EPB41L4B: variants seen among roughly 807,000 people sequenced by gnomAD.
EPB41L4B encodes the protein band 4.1-like protein 4B.
In EPB41L4B, 30 loss-of-function variants were observed where a neutral mutation model predicts 112.5. The observed-to-expected ratio is 0.27, with a 90% CI of 0.20 to 0.36. The LOEUF (loss-of-function observed/expected upper bound fraction) is 0.36, where lower values mean the gene tolerates loss of function less well. Among genes scored for constraint, EPB41L4B ranks in the 10% least tolerant of loss-of-function variants. The probability of loss-of-function intolerance (pLI) is 1.00; values close to 1 mark genes in which losing one functional copy is unlikely to be tolerated. For missense variants in EPB41L4B, 1,024 were observed against 1,133.3 expected (o/e 0.90, Z 1.38); for synonymous variants, 408 against 439.7 (o/e 0.93, Z 0.90).
rs771584226 is a variant in EPB41L4B at position 109,207,946 on chromosome 9, T to C, written c.1856A>G (p.Asn619Ser). 6.2e-7 allele frequency: 1 copy of C among 1,614,014 alleles called. No individual in the cohort carries two copies. Among genetic ancestry groups the C allele is most frequent in the Non-Finnish European group, 8.5e-7 (1 of 1,179,970 alleles). Residue 619 changes from asparagine (N) to serine (S), a missense_variant, in exon 18 of 26, where the codon AAT becomes AGT. Asn to Ser is a conservative substitution (Grantham distance 46, BLOSUM62 1). Coordinates refer to ENST00000374566, the MANE Select transcript of EPB41L4B (RefSeq NM_019114.5). ...KCNILKAQLENASRVNIQGGK... is the reference protein window; with the variant it reads ...KCNILKAQLESASRVNIQGGK... ...CACCTGGATGTTCACTCGGGAAGCA[T>C]TTTCCAACTGGGCTTTCAGAATGTT...
intron 2 of EPB41L4B, among the ~76,000 whole-genome samples, chr9:109,271,215 C>A (rs897836996): frequency 6.6e-6 from 1 of 152,218 alleles, no homozygotes; most frequent in Admixed American, 6.5e-5. Context: ...CAAAAGGCAC[C>A]CCTTCAGCCA....
rs993471808 is a variant in EPB41L4B, at chr9:109,207,788, T to C, written c.1878+136A>G. Reference sequence around the variant, plus strand: ...ATCATGGTTCACATATCAGGTATGGTTCACATGCCCGGTTCTCATCTCCTG... The same window carrying C: ...ATCATGGTTCACATATCAGGTATGGCTCACATGCCCGGTTCTCATCTCCTG... On this transcript the variant is annotated intron_variant, in intron 18 of 25. Transcript: ENST00000374566. The C allele has an allele frequency of 7.1e-5, 76 of 1,068,144 alleles. 2 individuals carry two copies. Among genetic ancestry groups the C allele is most frequent in the Middle Eastern group, 6.4e-4 (3 of 4,684 alleles). The allele number at this position is 1,068,144 out of a possible 1,614,324, so 66.2% of individuals were successfully genotyped here. A position where few individuals can be genotyped will look rare whatever the true frequency, so the allele number is the denominator to read the frequency against.
At chr9:109,230,723 G>A (rs1290129654) in intron 15 of EPB41L4B, among the ~76,000 whole-genome samples, 1 of 152,138 alleles carries the variant, frequency 6.6e-6, no homozygotes, top group Admixed American at 6.5e-5. Context: ...GAAGAAAATT[G>A]TATCGACATC....
At position 109,213,599 on chromosome 9, in the gene EPB41L4B, A is replaced by G. The variant is rs1231872933; in HGVS notation, c.1752+101T>C. 6.5e-6 allele frequency: 6 copies of G among 926,178 alleles called. No individual in the cohort carries two copies. The Admixed American group carries it at 7.5e-5, about 12-fold the overall frequency. The allele number at this position is 926,178 out of a possible 1,614,324, so 57.4% of individuals were successfully genotyped here. A position where few individuals can be genotyped will look rare whatever the true frequency, so the allele number is the denominator to read the frequency against. On this transcript the variant is annotated intron_variant, in intron 17 of 25. Transcript: ENST00000374566. ...GGAAAGATGGAATAGAGATCCCTCC[A>G]AGGCAAAGGCACTTGGTTTAGCAGG... is the stretch of plus-strand genomic sequence containing the variant.
At chr9:109,250,671 C>T (rs1401041097) in intron 13 of EPB41L4B, among the ~76,000 whole-genome samples, 2 of 152,178 alleles carry the variant, frequency 1.3e-5, no homozygotes, top group Non-Finnish European at 2.9e-5. Flanking sequence ...GGGTCCCACC[C>T]TGAGAGACTG....
chr9:109,281,303 T>C (rs944386162), intron 1 of EPB41L4B, among the ~76,000 whole-genome samples: 1 of 152,094 alleles, frequency 6.6e-6, no homozygotes, highest in African/African-American at 2.4e-5. Flanking sequence ...CCCCCAAACA[T>C]ACAAATGGTC....
At chr9:109,269,003 A>G (rs550296110) in intron 2 of EPB41L4B, among the ~76,000 whole-genome samples, 51 of 152,266 alleles carry the variant, frequency 3.3e-4, no homozygotes, top group African/African-American at 1.2e-3. Context: ...CTGAAAGAAC[A>G]TAAAACCCCT....
intron 17 of EPB41L4B, among the ~76,000 whole-genome samples, chr9:109,210,631 C>T (rs990378413): frequency 6.6e-6 from 1 of 152,128 alleles, no homozygotes; most frequent in East Asian, 1.9e-4. Context: ...AATGCAAGAC[C>T]TGTAATATTC....
At chr9:109,212,303 C>CA (rs1833209901) in intron 17 of EPB41L4B, among the ~76,000 whole-genome samples, 1 of 152,076 alleles carries the variant, frequency 6.6e-6, no homozygotes. Flanking sequence ...AGTTGAAAAC[C>CA]AGGCGACTAA....
At chr9:109,230,532 A>G (rs1156308535) in intron 15 of EPB41L4B, among the ~76,000 whole-genome samples, 1 of 152,206 alleles carries the variant, frequency 6.6e-6, no homozygotes, top group African/African-American at 2.4e-5. Context: ...AGATGAGAGA[A>G]AGTACAATTT....
At chr9:109,248,789 G>A (rs1176092229) in intron 13 of EPB41L4B, among the ~76,000 whole-genome samples, 1 of 152,022 alleles carries the variant, frequency 6.6e-6, no homozygotes, top group Non-Finnish European at 1.5e-5. Flanking sequence ...GCCGGGCGTG[G>A]TAGCTCACAC....
intron 3 of EPB41L4B, among the ~76,000 whole-genome samples, chr9:109,268,013 T>C (rs575416312): frequency 6.6e-6 from 1 of 152,228 alleles, no homozygotes; most frequent in African/African-American, 2.4e-5. Flanking sequence ...CACCTGTACA[T>C]TGAGAAAGCT....
At position 109,256,565 on chromosome 9, in the gene EPB41L4B, T is replaced by C. The variant is rs892643422; in HGVS notation, c.753-85A>G. ...AGGGCACGGCCTTACTATGGAACGT[T>C]ATGCAGCAATTAAAGCAATGAGGGA... On this transcript the variant is annotated intron_variant, in intron 7 of 25. Transcript: ENST00000374566. 8.6e-6 allele frequency: 10 copies of C among 1,156,350 alleles called. No individual in the cohort carries two copies. In the South Asian group the frequency reaches 1.3e-4, roughly 16 times the overall value. The allele number at this position is 1,156,350 out of a possible 1,614,324, so 71.6% of individuals were successfully genotyped here.
At chr9:109,272,241 G>A (rs1346140829) in intron 2 of EPB41L4B, among the ~76,000 whole-genome samples, 2 of 152,178 alleles carry the variant, frequency 1.3e-5, no homozygotes, top group Non-Finnish European at 1.5e-5. Context: ...AGGATCGTTT[G>A]AGCCCAGGAA....
At chr9:109,195,527 G>C (rs1220568398) in intron 20 of EPB41L4B, among the ~76,000 whole-genome samples, 2 of 152,186 alleles carry the variant, frequency 1.3e-5, no homozygotes, top group Non-Finnish European at 2.9e-5. Context: ...GATCCACATA[G>C]ATGACATAGG....
chr9:109,308,076 T>G (rs923729707), intron 1 of EPB41L4B, among the ~76,000 whole-genome samples: 9 of 152,184 alleles, frequency 5.9e-5, no homozygotes, highest in Non-Finnish European at 1.2e-4. Context: ...TGGTTCAAGC[T>G]GTCCCACACT....
Position 109,281,938 on chromosome 9 carries a change from A to T in EPB41L4B, c.307-2017T>A, listed in dbSNP as rs534382183. On this transcript the variant is annotated intron_variant, in intron 1 of 25. Coordinates refer to ENST00000374566, the MANE Select transcript of EPB41L4B (RefSeq NM_019114.5). ...CATATGTTCACGTAAAAACTTGTAC[A>T]CAAATGCTCATAGCAGTATTATTTA... 2.6e-5 allele frequency among the ~76,000 whole-genome samples: 4 copies of T among 152,362 alleles called. No homozygotes were observed. In the South Asian group the frequency reaches 8.3e-4, roughly 32 times the overall value.
chr9:109,249,577 A>T (rs1834703126), intron 13 of EPB41L4B, among the ~76,000 whole-genome samples: 1 of 151,152 alleles, frequency 6.6e-6, no homozygotes, highest in African/African-American at 2.4e-5. Flanking sequence ...AGGAAAATGT[A>T]ATTTTATTAG....
intron 15 of EPB41L4B, chr9:109,241,332 T>C: frequency 9.5e-7 from 1 of 1,052,062 alleles, no homozygotes; most frequent in Non-Finnish European, 1.1e-6. Context: ...CAAGCTCTTC[T>C]GGTTTTATTT....
Sources: allele counts gnomAD v4.1 joint callset (sites outside exome capture counted in the v4.1 genomes callset), GRCh38; gene constraint gnomAD v4.1.1; transcripts MANE v1.5; gene names NCBI Gene and HGNC (gene_info 2026-07-23, HGNC 2026-07-21).